Variants in CCDC148 observed in about 807,000 individuals in gnomAD.
CCDC148 encodes the protein coiled-coil domain containing 148.
CCDC148 carries 89 observed loss-of-function variants against 85.7 expected under a neutral mutation model. The observed-to-expected ratio is 1.04, with a 90% CI of 0.87 to 1.24. The LOEUF is 1.24. Ranked by LOEUF, CCDC148 falls within the 50% of genes most tolerant of loss-of-function variation. The probability of loss-of-function intolerance (pLI) is 0.00; values close to 1 mark genes in which losing one functional copy is unlikely to be tolerated. For synonymous variants in CCDC148, 230 were observed against 213.9 expected, an observed-to-expected ratio of 1.08 and a Z score of -0.66; for missense variants, 692 against 671.7, an observed-to-expected ratio of 1.03 and a Z score of -0.33.
At chr2:158,451,487 A>C (rs1182828645) in intron 1 of CCDC148, among the ~76,000 whole-genome samples, 1 of 152,176 alleles carries the variant, frequency 6.6e-6, no homozygotes, top group African/African-American at 2.4e-5. Flanking sequence ...TGTCTCTAAT[A>C]AATTATTTTT....
chr2:158,381,812 A>C (rs925123850), intron 1 of CCDC148, among the ~76,000 whole-genome samples: 18 of 152,108 alleles, frequency 1.2e-4, no homozygotes, highest in Non-Finnish European at 2.4e-4. Flanking sequence ...TTGAGCCCAG[A>C]AGGTCAAGGC....
rs374773311 is a variant in CCDC148 at position 158,421,368 on chromosome 2, T to C, written c.25+35047A>G. On this transcript the variant is annotated intron_variant, in intron 1 of 13. Coordinates refer to ENST00000283233, the MANE Select transcript of CCDC148 (RefSeq NM_138803.4). ...GCACTCCTCAGCAAATGTCAAAGAATAGAAATTATAACAAACTGTCTCTCA... is the reference window on the plus strand; with the variant it reads ...GCACTCCTCAGCAAATGTCAAAGAACAGAAATTATAACAAACTGTCTCTCA... Among the ~76,000 whole-genome samples, 35 of 152,120 alleles carry C rather than the reference T, an allele frequency of 2.3e-4. 1 individual carries two copies. The East Asian group carries it at 4.6e-3, about 20-fold the overall frequency.
Position 158,340,636 on chromosome 2 carries a change from T to A in CCDC148, c.296A>T (p.Asn99Ile). Residue 99 changes from asparagine to isoleucine, a missense_variant, in exon 4 of 14, where the codon AAC becomes ATC. Asn to Ile is a moderately radical substitution (Grantham distance 149). Coordinates refer to ENST00000283233, the MANE Select transcript of CCDC148 (RefSeq NM_138803.4). ...SEIKSLLNEE[N>I]IGNECLCDLT... ...GTCACAAAGACATTCATTTCCAATG[T>A]TCTCTTCATTGAGAAGGGATTTTAT... 9.4e-6 allele frequency: 15 copies of A among 1,591,376 alleles called. No homozygotes were observed. The highest frequency in any genetic ancestry group is 1.3e-5 in the Non-Finnish European group (15 of 1,166,054).
At chr2:158,348,337 C>T (rs1574663592) in intron 2 of CCDC148, among the ~76,000 whole-genome samples, 1 of 151,854 alleles carries the variant, frequency 6.6e-6, no homozygotes. Context: ...TTGAATGACA[C>T]CACCAGGATG....
rs867500260 is a variant in CCDC148, at chr2:158,227,294, A to G, written c.1252-6581T>C. Reference sequence around the variant, plus strand: ...AAGGAGAACTACAAACCATGGCTCAATGAAATAAAAGAGGATACAAACAAA... The same window carrying G: ...AAGGAGAACTACAAACCATGGCTCAGTGAAATAAAAGAGGATACAAACAAA... On this transcript the variant is annotated intron_variant, in intron 10 of 13. Coordinates refer to ENST00000283233, the MANE Select transcript of CCDC148 (RefSeq NM_138803.4). Among the ~76,000 whole-genome samples the G allele has an allele frequency of 9.6e-3, 1,442 of 150,416 alleles. 87 individuals are homozygous for G. Among genetic ancestry groups the G allele is most frequent in the African/African-American group, 0.034 (1,382 of 40,410 alleles).
At chr2:158,433,161 G>A (rs1020822533) in intron 1 of CCDC148, among the ~76,000 whole-genome samples, 3 of 142,334 alleles carry the variant, frequency 2.1e-5, no homozygotes, top group African/African-American at 7.6e-5. Context: ...TCAGGAGGTA[G>A]AGGCAGGAGG....
chr2:158,228,133 A>T (rs1310127541), intron 10 of CCDC148, among the ~76,000 whole-genome samples: 11 of 152,236 alleles, frequency 7.2e-5, no homozygotes, highest in African/African-American at 2.7e-4. Flanking sequence ...CAACCCCATC[A>T]AAAAGTGGGC....
intron 1 of CCDC148, among the ~76,000 whole-genome samples, chr2:158,364,659 A>G (rs1293325322): frequency 1.3e-5 from 2 of 152,242 alleles, no homozygotes; most frequent in African/African-American, 4.8e-5. Context: ...AGAAAAATTA[A>G]TTCAAGATGG....
Position 158,288,757 on chromosome 2 carries a change from T to C in CCDC148, c.1110+20676A>G, listed in dbSNP as rs192332195. On this transcript the variant is annotated intron_variant, in intron 9 of 13. Transcript: ENST00000283233. ...GTCACTTCCACATTTTCGGGTATCT[T>C]TTCAGCAACACTTCACTCTACTGGT... The C allele has an allele frequency of 4.0e-4, 161 of 403,454 alleles. 6 individuals are homozygous for C. Among genetic ancestry groups the C allele is most frequent in the South Asian group, 2.7e-3 (148 of 54,280 alleles). The allele number at this position is 403,454 out of a possible 1,614,324, so 25.0% of individuals were successfully genotyped here.
At chr2:158,354,096 A>G (rs1296019868) in intron 2 of CCDC148, among the ~76,000 whole-genome samples, 1 of 151,824 alleles carries the variant, frequency 6.6e-6, no homozygotes, top group South Asian at 2.1e-4. Flanking sequence ...AGGGAAATTT[A>G]TAGCACTAAA....
chr2:158,290,536 C>G (rs954405248), intron 9 of CCDC148, among the ~76,000 whole-genome samples: 4 of 152,158 alleles, frequency 2.6e-5, no homozygotes, highest in African/African-American at 9.7e-5. Flanking sequence ...AGAATTGAGT[C>G]TCAGGATTTG....
chr2:158,407,406 T>C (rs1048069562), intron 1 of CCDC148, among the ~76,000 whole-genome samples: 30 of 152,178 alleles, frequency 2.0e-4, no homozygotes, highest in Admixed American at 6.6e-5. Context: ...CAAGGTATTT[T>C]TCCCTCTATT....
chr2:158,379,379 T>A (rs1684780688), intron 1 of CCDC148, among the ~76,000 whole-genome samples: 1 of 152,124 alleles, frequency 6.6e-6, no homozygotes, highest in Admixed American at 6.6e-5. Flanking sequence ...TTTCTGGAGA[T>A]GAAATCTATA....
chr2:158,303,357 G>A (rs1691537145), intron 9 of CCDC148, among the ~76,000 whole-genome samples: 1 of 151,922 alleles, frequency 6.6e-6, no homozygotes. Flanking sequence ...ACCTTTGTGG[G>A]GCCAAGATAA....
chr2:158,222,844 A>C (rs1687260453), intron 10 of CCDC148, among the ~76,000 whole-genome samples: 1 of 152,206 alleles, frequency 6.6e-6, no homozygotes, highest in South Asian at 2.1e-4. Flanking sequence ...GAGTGGAGCC[A>C]AGATGGCCGA....
At chr2:158,232,406 A>G (rs1687897576) in intron 10 of CCDC148, among the ~76,000 whole-genome samples, 1 of 152,116 alleles carries the variant, frequency 6.6e-6, no homozygotes, top group African/African-American at 2.4e-5. Context: ...ATTTTTTCCT[A>G]TTAAAAACTA....
At chr2:158,349,461 T>C (rs1683154191) in intron 2 of CCDC148, among the ~76,000 whole-genome samples, 1 of 152,028 alleles carries the variant, frequency 6.6e-6, no homozygotes, top group Admixed American at 6.5e-5. Context: ...AAGTAATATA[T>C]GAAAGAATAA....
intron 12 of CCDC148, 148 bp from the exon 13 acceptor site, chr2:158,176,809 C>A: frequency 1.2e-6 from 1 of 831,402 alleles, no homozygotes; most frequent in Non-Finnish European, 1.9e-6. Context: ...ATTAATTGGT[C>A]AGTCCTAGAG....
intron 13 of CCDC148, among the ~76,000 whole-genome samples, chr2:158,172,473 T>C (rs1684363692): frequency 6.6e-6 from 1 of 152,150 alleles, no homozygotes; most frequent in Middle Eastern, 3.4e-3. Flanking sequence ...GTAGGGTATA[T>C]AGAACATAGT....
Sources: allele counts gnomAD v4.1 joint callset (sites outside exome capture counted in the v4.1 genomes callset), GRCh38; gene constraint gnomAD v4.1.1; transcripts MANE v1.5; gene names NCBI Gene and HGNC (gene_info 2026-07-23, HGNC 2026-07-21).